DISC1: variants seen among roughly 807,000 people sequenced by gnomAD.
The protein encoded by DISC1 is DISC1 scaffold protein.
Under a neutral mutation model 84.5 loss-of-function variants are expected in DISC1, and 57 were observed. The observed-to-expected ratio is 0.67, with a 90% CI of 0.55 to 0.84. The LOEUF (loss-of-function observed/expected upper bound fraction) is 0.84, where lower values mean the gene tolerates loss of function less well. Ranked by LOEUF, DISC1 falls within the 40% of genes least tolerant of loss-of-function variation. The pLI, the probability that DISC1 is intolerant of heterozygous loss-of-function variation, is 0.00. For synonymous variants in DISC1, 411 were observed against 415.2 expected (o/e 0.99, Z 0.12); for missense variants, 1,000 against 1,057.8 (o/e 0.95, Z 0.76).
Position 231,894,745 on chromosome 1 carries a change from TTGTGTGTGTGTG to T in DISC1, c.1982-64060_1982-64049del, listed in dbSNP as rs3222846. Among the ~76,000 whole-genome samples, 16 of 144,604 alleles carry T rather than the reference TTGTGTGTGTGTG, an allele frequency of 1.1e-4. No homozygotes were observed. In the South Asian group the frequency reaches 2.5e-3, roughly 23 times the overall value. The allele number at this position is 144,604 out of a possible 152,430, so 94.9% of individuals were successfully genotyped here. A position where few individuals can be genotyped will look rare whatever the true frequency, so the allele number is the denominator to read the frequency against. ...CCTCTACAGATTTGTGTGTCATCTG[TTGTGTGTGTGTG>T]TGTGTGTGTGTGTGTGTGTGTGCAT... On this transcript the variant is annotated intron_variant, in intron 9 of 12. Coordinates refer to ENST00000439617, the MANE Select transcript of DISC1 (RefSeq NM_018662.3).
chr1:231,818,450 G>T lies in DISC1; in HGVS notation c.1914G>T (p.Lys638Asn). 1 of 1,614,190 alleles carries T rather than the reference G, an allele frequency of 6.2e-7. No individual in the cohort carries two copies. The highest frequency in any genetic ancestry group is 8.5e-7 in the Non-Finnish European group (1 of 1,180,000). ...LLVLSSRNVK[K>N]LGSVKEDYNR... ...TGTTGAGTTCCAGGAATGTCAAAAA[G>T]CTGGGAAGTGTTAAAGAAGATTACA... is the stretch of plus-strand genomic sequence containing the variant. Residue 638 changes from lysine to asparagine, a missense_variant, in exon 9 of 13, where the codon AAG (lysine) becomes AAT (asparagine). Physicochemically the swap from Lys to Asn is moderately conservative, Grantham distance 94 (BLOSUM62 0). Around this residue, in one of 3 missense-constraint regions of DISC1, gnomAD observed 397 missense variants for 377.5 expected, o/e 1.05. Coordinates refer to ENST00000439617, the MANE Select transcript of DISC1 (RefSeq NM_018662.3).
chr1:231,988,587 A>G (rs1320445359), intron 10 of DISC1, among the ~76,000 whole-genome samples: 1 of 152,192 alleles, frequency 6.6e-6, no homozygotes, highest in African/African-American at 2.4e-5. Flanking sequence ...AGGATACAGC[A>G]AGAAGGCACC....
At chr1:231,733,849 G>A (rs1008551696) in intron 3 of DISC1, among the ~76,000 whole-genome samples, 1 of 150,882 alleles carries the variant, frequency 6.6e-6, no homozygotes, top group Non-Finnish European at 1.5e-5. Context: ...GATGATGGTA[G>A]TGATGGTAGG....
intron 9 of DISC1, among the ~76,000 whole-genome samples, chr1:231,886,987 G>A (rs1337239759): frequency 2.7e-5 from 4 of 150,294 alleles, no homozygotes; most frequent in African/African-American, 7.4e-5. Flanking sequence ...TCAGCCTCCC[G>A]AGTACCTGGG....
chr1:231,844,926 CAAA>C (rs1175955587), intron 9 of DISC1, among the ~76,000 whole-genome samples: 6 of 68,770 alleles, frequency 8.7e-5, no homozygotes, highest in Non-Finnish European at 1.5e-4. Context: ...GACTCTGACT[CAAA>C]AAAAAAAAAA....
At chr1:231,991,106 A>T (rs1179079979) in intron 10 of DISC1, among the ~76,000 whole-genome samples, 1 of 152,228 alleles carries the variant, frequency 6.6e-6, no homozygotes, top group Non-Finnish European at 1.5e-5. Flanking sequence ...TCTTTCTCCA[A>T]CAGCCAGATA....
chr1:231,769,540 T>C (rs2076401608), intron 5 of DISC1, among the ~76,000 whole-genome samples: 1 of 152,244 alleles, frequency 6.6e-6, no homozygotes, highest in Non-Finnish European at 1.5e-5. Context: ...ATTCCACTTG[T>C]CTGAGTTACC....
intron 9 of DISC1, among the ~76,000 whole-genome samples, chr1:231,908,961 GCTCT>G (rs759449767): frequency 6.6e-6 from 1 of 152,050 alleles, no homozygotes; most frequent in South Asian, 2.1e-4. Flanking sequence ...TCATGATCTG[GCTCT>G]CTGTTTGTCT....
intron 9 of DISC1, among the ~76,000 whole-genome samples, chr1:231,845,851 T>C (rs1175709240): frequency 1.3e-5 from 2 of 151,686 alleles, no homozygotes; most frequent in Admixed American, 6.6e-5. Context: ...GTGGCTCAGT[T>C]TGGGTGCAGA....
At position 231,630,627 on chromosome 1, in the gene DISC1, G is replaced by T. The variant is rs1349810703; in HGVS notation, c.67+3693G>T. On this transcript the variant is annotated intron_variant, in intron 1 of 12. Transcript: ENST00000439617. This position sits in a 1 kb window ranked among gnomAD's most constrained non-coding sequence, Gnocchi z 4.4. ...CCGGTGAAGAGCCATTTTTCAGTCA[G>T]CACCGTTTAGTAATATAAGACTTTT... is the stretch of plus-strand genomic sequence containing the variant. Among the ~76,000 whole-genome samples the T allele has an allele frequency of 6.6e-6, 1 of 152,122 alleles. No individual in the cohort carries two copies. The highest frequency in any genetic ancestry group is 2.4e-5 in the African/African-American group (1 of 41,424).
At chr1:231,713,937 G>A (rs140887807) in intron 3 of DISC1, among the ~76,000 whole-genome samples, 6 of 150,516 alleles carry the variant, frequency 4.0e-5, no homozygotes, top group African/African-American at 7.3e-5. Flanking sequence ...TAGATAAAAG[G>A]CATCATAATG....
chr1:231,805,661 A>G (rs1215862643), intron 8 of DISC1, among the ~76,000 whole-genome samples: 7 of 151,986 alleles, frequency 4.6e-5, no homozygotes, highest in Non-Finnish European at 2.9e-5. Context: ...CTATGATCCA[A>G]TCACCTTCCA....
chr1:231,720,366 G>T (rs1250056947), intron 3 of DISC1, among the ~76,000 whole-genome samples: 3 of 151,868 alleles, frequency 2.0e-5, no homozygotes, highest in Non-Finnish European at 2.9e-5. Context: ...TTAAGACAGG[G>T]TCTCGCTTTG....
intron 9 of DISC1, among the ~76,000 whole-genome samples, chr1:231,885,695 G>A (rs1340051971): frequency 6.6e-6 from 1 of 152,124 alleles, no homozygotes; most frequent in Non-Finnish European, 1.5e-5. Flanking sequence ...TCAGTCCTGT[G>A]GATATGCATT....
rs1670056234 is a variant in DISC1 at position 232,031,529 on chromosome 1, GGAAA to G, written c.2425+4986_2425+4989del. On this transcript the variant is annotated intron_variant, in intron 12 of 12. Coordinates refer to ENST00000439617, the MANE Select transcript of DISC1 (RefSeq NM_018662.3). This position sits in a 1 kb window ranked among gnomAD's most constrained non-coding sequence, Gnocchi z 4.6. ...AGGAAAGGAAAGAAAGAAAAGGAAA[GGAAA>G]GAAAGAAAACCCAGAGCCTAAGATG... is the stretch of plus-strand genomic sequence containing the variant. 6.6e-6 allele frequency among the ~76,000 whole-genome samples: 1 copy of G among 152,026 alleles called. No individual in the cohort carries two copies. Among genetic ancestry groups the G allele is most frequent in the African/African-American group, 2.4e-5 (1 of 41,398 alleles).
At chr1:231,645,463 G>A (rs1291673775) in intron 1 of DISC1, among the ~76,000 whole-genome samples, 1 of 151,518 alleles carries the variant, frequency 6.6e-6, no homozygotes, top group South Asian at 2.1e-4. Flanking sequence ...ATGTCCCAGG[G>A]TTAGGAGGGC....
intron 1 of DISC1, chr1:231,670,526 A>T (rs2062510641): frequency 6.6e-6 from 1 of 152,200 alleles, no homozygotes; most frequent in South Asian, 2.1e-4. Context: ...TGTATGGAAA[A>T]GGCTTTGGTA....
At chr1:231,902,895 T>C (rs1029850187) in intron 9 of DISC1, among the ~76,000 whole-genome samples, 2 of 152,144 alleles carry the variant, frequency 1.3e-5, no homozygotes, top group Non-Finnish European at 1.5e-5. Flanking sequence ...TGAAACACTT[T>C]GGTTGCAAGC....
At chr1:231,957,201 A>G (rs1051529612) in intron 9 of DISC1, among the ~76,000 whole-genome samples, 1 of 152,108 alleles carries the variant, frequency 6.6e-6, no homozygotes, top group Non-Finnish European at 1.5e-5. Flanking sequence ...CTCCGGCCAC[A>G]CTTGCTAGAG....
Sources: gnomAD v4.1 joint callset for allele counts (sites outside exome capture counted in the v4.1 genomes callset) on GRCh38, gnomAD v4.1.1 for gene constraint, gnomAD v4.1.1 regional missense constraint, Gnocchi (gnomAD v3.1) non-coding constraint, MANE v1.5 for transcripts, NCBI Gene and HGNC (gene_info 2026-07-23, HGNC 2026-07-21) for gene names.